The following MTMR2 variants were observed in gnomAD, a reference collection of about 807,000 sequenced individuals.
MTMR2 encodes myotubularin related protein 2, also known as phosphatidylinositol-3,5-bisphosphate 3-phosphatase MTMR2.
In MTMR2, 55 loss-of-function variants were observed where a neutral mutation model predicts 86.9. The ratio of observed to expected loss-of-function variants is 0.63; its 90% CI spans 0.51 to 0.79. The LOEUF (loss-of-function observed/expected upper bound fraction) is 0.79. Ranked by LOEUF, MTMR2 falls within the 30% of genes least tolerant of loss-of-function variation. The pLI, the probability that MTMR2 is intolerant of heterozygous loss-of-function variation, is 0.00. For synonymous variants in MTMR2, 241 were observed against 266.8 expected (o/e 0.90, Z 0.94); for missense variants, 659 against 772.3 (o/e 0.85, Z 1.74).
chr11:95,861,028 TG>T (rs1864399296), intron 5 of MTMR2, among the ~76,000 whole-genome samples: 1 of 151,020 alleles, frequency 6.6e-6, no homozygotes, highest in Non-Finnish European at 1.5e-5. Context: ...GGCGTGGTGG[TG>T]GGCGCCTGTA....
chr11:95,905,150 T>C (rs1234215320), intron 1 of MTMR2, among the ~76,000 whole-genome samples: 4 of 152,216 alleles, frequency 2.6e-5, no homozygotes, highest in East Asian at 1.9e-4. Context: ...TCTCCTGTAA[T>C]GGTTCCATCT....
intron 12 of MTMR2, among the ~76,000 whole-genome samples, chr11:95,841,013 C>T (rs1863520957): frequency 6.6e-6 from 1 of 152,028 alleles, no homozygotes; most frequent in Non-Finnish European, 1.5e-5. Flanking sequence ...AGTGATCTCA[C>T]AATAAACCAG....
chr11:95,848,602 T>G (rs1032174881), intron 9 of MTMR2, among the ~76,000 whole-genome samples: 17 of 152,196 alleles, frequency 1.1e-4, no homozygotes, highest in African/African-American at 3.9e-4. Flanking sequence ...TAAAATATTC[T>G]ATCTCCTACC....
At chr11:95,918,712 T>C (rs1415099640) in intron 1 of MTMR2, among the ~76,000 whole-genome samples, 1 of 152,244 alleles carries the variant, frequency 6.6e-6, no homozygotes, top group Non-Finnish European at 1.5e-5. Flanking sequence ...TTTCTACCTC[T>C]AATCTTGCCA....
At chr11:95,841,042 C>G (rs1195587992) in intron 12 of MTMR2, among the ~76,000 whole-genome samples, 2 of 152,096 alleles carry the variant, frequency 1.3e-5, no homozygotes, top group Admixed American at 6.5e-5. Context: ...TCAGTCCCCT[C>G]TACTCTTTCC....
intron 2 of MTMR2, among the ~76,000 whole-genome samples, chr11:95,867,140 G>A (rs758405398): frequency 1.8e-4 from 27 of 151,984 alleles, no homozygotes; most frequent in Non-Finnish European, 3.1e-4. Flanking sequence ...AGAGTATACC[G>A]AAAAAAATCA....
chr11:95,880,805 T>C (rs1046698139), intron 2 of MTMR2, among the ~76,000 whole-genome samples: 1 of 152,098 alleles, frequency 6.6e-6, no homozygotes, highest in Non-Finnish European at 1.5e-5. Flanking sequence ...AATTTGTAGA[T>C]GTTCTTTGCA....
chr11:95,837,945 A>C (rs556873132), intron 13 of MTMR2, 149 bp downstream of exon 13: 2 of 654,758 alleles, frequency 3.1e-6, no homozygotes, highest in African/African-American at 3.6e-5. Flanking sequence ...AGGTCCAGAT[A>C]TATGGAAGGA....
At chr11:95,886,764 A>C (rs1206557986) in intron 2 of MTMR2, among the ~76,000 whole-genome samples, 1 of 152,194 alleles carries the variant, frequency 6.6e-6, no homozygotes, top group Admixed American at 6.5e-5. Flanking sequence ...GACCAGAAGT[A>C]TGCCAAGACA....
At chr11:95,847,661 T>C (rs1590981478) in intron 10 of MTMR2, 53 bp downstream of exon 10, 4 of 1,481,700 alleles carry the variant, frequency 2.7e-6, no homozygotes, top group South Asian at 1.1e-5. Context: ...AAAGCTAATA[T>C]AAACAAAGGG....
chr11:95,835,340 T>G lies in MTMR2; in HGVS notation c.1882A>C (p.Arg628=), dbSNP rs777498850. 25 of 1,613,138 alleles carry G rather than the reference T, an allele frequency of 1.5e-5. No individual in the cohort carries two copies. The South Asian group carries it at 2.0e-4, about 13-fold the overall frequency. Residue 628 remains arginine, a synonymous_variant, in exon 15 of 15, where the codon AGA becomes CGA. Transcript: ENST00000346299. The part of the protein sequence containing the change: ...ISNRSTSSSE[R]ASSPAQCVTP... ...ACACACTGTGCAGGAGAGCTGGCTC[T>G]CTCTGAGGATGAGGTTGATCGGTTA...
At chr11:95,901,585 C>G (rs1866075730) in intron 1 of MTMR2, among the ~76,000 whole-genome samples, 1 of 150,870 alleles carries the variant, frequency 6.6e-6, no homozygotes, top group African/African-American at 2.4e-5. Flanking sequence ...GTGGCACAGC[C>G]AGAGAGAGAG....
intron 11 of MTMR2, among the ~76,000 whole-genome samples, chr11:95,843,338 A>G (rs1863630451): frequency 6.6e-6 from 1 of 152,198 alleles, no homozygotes. Flanking sequence ...ATAAGCCAGT[A>G]TTTTCCAAAT....
At chr11:95,851,297 C>T (rs188967852) in intron 7 of MTMR2, among the ~76,000 whole-genome samples, 1 of 151,760 alleles carries the variant, frequency 6.6e-6, no homozygotes, top group African/African-American at 2.4e-5. Flanking sequence ...CCTACCTTGG[C>T]CTCCCAAAGT....
intron 2 of MTMR2, among the ~76,000 whole-genome samples, chr11:95,878,570 G>C (rs1433887346): frequency 6.6e-6 from 1 of 152,030 alleles, no homozygotes; most frequent in African/African-American, 2.4e-5. Context: ...AAAAAATCCT[G>C]TATCTCTAAA....
intron 5 of MTMR2, 59 bp downstream of exon 5, chr11:95,861,933 T>C: frequency 5.0e-6 from 6 of 1,211,554 alleles, no homozygotes; most frequent in Non-Finnish European, 7.2e-6. Flanking sequence ...AAACAGAGGT[T>C]CTATTTAATA....
At chr11:95,923,511 T>C (rs1431079553) in intron 1 of MTMR2, among the ~76,000 whole-genome samples, 1 of 145,746 alleles carries the variant, frequency 6.9e-6, no homozygotes, top group Non-Finnish European at 1.5e-5. Context: ...TTGGAAAAAG[T>C]GACAGAGAAA....
chr11:95,835,821 A>G (rs969464962), intron 14 of MTMR2, among the ~76,000 whole-genome samples: 1 of 152,066 alleles, frequency 6.6e-6, no homozygotes, highest in African/African-American at 2.4e-5. Context: ...TTCACAGTAG[A>G]CCAGAATTTT....
At chr11:95,902,368 A>G (rs1866106052) in intron 1 of MTMR2, among the ~76,000 whole-genome samples, 1 of 152,152 alleles carries the variant, frequency 6.6e-6, no homozygotes, top group Non-Finnish European at 1.5e-5. Flanking sequence ...CCTCTCCAAT[A>G]CCATTAGCAA....
Sources: gnomAD v4.1 joint callset for allele counts (sites outside exome capture counted in the v4.1 genomes callset) on GRCh38, gnomAD v4.1.1 for gene constraint, MANE v1.5 for transcripts, NCBI Gene and HGNC (gene_info 2026-07-23, HGNC 2026-07-21) for gene names.